STK32B: variants seen among roughly 807,000 people sequenced by gnomAD.
The protein encoded by STK32B is serine/threonine kinase 32B.
A neutral mutation model predicts 52.6 loss-of-function variants in STK32B; 43 were observed. The ratio of observed to expected loss-of-function variants is 0.82; its 90% CI spans 0.64 to 1.05. The LOEUF (loss-of-function observed/expected upper bound fraction) is 1.05. STK32B is among the 50% of genes least tolerant of loss of function. The pLI, the probability that STK32B is intolerant of heterozygous loss-of-function variation, is 0.00. For synonymous variants in STK32B, 238 were observed against 204.3 expected (o/e 1.17, Z -1.41); for missense variants, 621 against 534.6 (o/e 1.16, Z -1.59).
chr4:5,446,058 C>G (rs1027875633), intron 6 of STK32B, among the ~76,000 whole-genome samples: 1 of 152,228 alleles, frequency 6.6e-6, no homozygotes, highest in Non-Finnish European at 1.5e-5. Flanking sequence ...CAAACATACT[C>G]CACCAATCCA....
chr4:5,498,802 G>A, intron 11 of STK32B, 143 bp from the exon 12 acceptor site: 1 of 1,253,020 alleles, frequency 8.0e-7, no homozygotes, highest in Non-Finnish European at 1.1e-6. Context: ...CAGCACCGTG[G>A]ATGCCTTAAT....
chr4:5,146,676 T>C (rs1716942070), intron 2 of STK32B, among the ~76,000 whole-genome samples: 1 of 152,244 alleles, frequency 6.6e-6, no homozygotes, highest in African/African-American at 2.4e-5. Context: ...CCAGTCAAGC[T>C]GACATTTAAT....
In STK32B at chr4:5,244,756, C is replaced by T. The variant is rs574312858; in HGVS notation, c.260+76306C>T. Among the ~76,000 whole-genome samples, 462 of 152,274 alleles carry T rather than the reference C, an allele frequency of 3.0e-3. 6 individuals carry two copies. Among genetic ancestry groups the T allele is most frequent in the Admixed American group, 0.016 (248 of 15,286 alleles). ...TCTACACACTGCTTTGAATGTGTCC[C>T]AGAGATTCTGGTATGTTGTGTCTTT... On this transcript the variant is annotated intron_variant, in intron 3 of 11. Coordinates refer to ENST00000282908, the MANE Select transcript of STK32B (RefSeq NM_018401.3).
intron 3 of STK32B, among the ~76,000 whole-genome samples, chr4:5,262,708 C>A (rs562003056): frequency 6.6e-6 from 1 of 151,634 alleles, no homozygotes; most frequent in African/African-American, 2.4e-5. Flanking sequence ...TTTTTTAAAG[C>A]ATATTAAAAC....
At position 5,386,446 on chromosome 4, in the gene STK32B, A is replaced by G. The variant is rs981324918; in HGVS notation, c.435-11761A>G. Reference sequence around the variant, plus strand: ...AGGTAATTCTTGATGGTCCAAGAGCACTGGCCATGGAGAAAGATTGATCCA... The same window carrying G: ...AGGTAATTCTTGATGGTCCAAGAGCGCTGGCCATGGAGAAAGATTGATCCA... On this transcript the variant is annotated intron_variant, in intron 4 of 11. Transcript: ENST00000282908. This position sits in a 1 kb window ranked among gnomAD's most constrained non-coding sequence, Gnocchi z 4.5. 3.9e-5 allele frequency among the ~76,000 whole-genome samples: 6 copies of G among 152,172 alleles called. No individual in the cohort carries two copies. The highest frequency in any genetic ancestry group is 8.8e-5 in the Non-Finnish European group (6 of 68,040).
chr4:5,452,005 C>T (rs6817355), intron 7 of STK32B, among the ~76,000 whole-genome samples: 1 of 152,170 alleles, frequency 6.6e-6, no homozygotes, highest in East Asian at 1.9e-4. Context: ...CACCCTTCAA[C>T]CACTAGAGAC....
intron 3 of STK32B, among the ~76,000 whole-genome samples, chr4:5,189,877 G>A (rs1007198269): frequency 2.0e-5 from 3 of 152,082 alleles, no homozygotes; most frequent in Admixed American, 6.6e-5. Flanking sequence ...GTGGTATTCC[G>A]TTGTTTCAAT....
chr4:5,270,632 C>T (rs189582544), intron 3 of STK32B, among the ~76,000 whole-genome samples: 1 of 152,216 alleles, frequency 6.6e-6, no homozygotes, highest in East Asian at 1.9e-4. Context: ...GAATGCATTC[C>T]CCCTGAGATC....
the STK32B span, among the ~76,000 whole-genome samples, chr4:5,020,308 A>T: frequency 6.6e-6 from 1 of 152,152 alleles, no homozygotes; most frequent in South Asian, 2.1e-4. Flanking sequence ...AAGTTTCTTC[A>T]GTGTTTCCTC....
intron 1 of STK32B, among the ~76,000 whole-genome samples, chr4:5,086,917 G>C (rs1712762276): frequency 6.6e-6 from 1 of 152,200 alleles, no homozygotes; most frequent in Non-Finnish European, 1.5e-5. Context: ...TAGTAGACTT[G>C]TCCTGCAACA....
intron 4 of STK32B, among the ~76,000 whole-genome samples, chr4:5,375,695 T>C (rs1411080108): frequency 6.6e-6 from 1 of 152,218 alleles, no homozygotes; most frequent in Non-Finnish European, 1.5e-5. Flanking sequence ...CTGAGGTCCT[T>C]TTCTCCCTTT....
At chr4:5,219,179 A>C (rs1723367431) in intron 3 of STK32B, among the ~76,000 whole-genome samples, 1 of 152,174 alleles carries the variant, frequency 6.6e-6, no homozygotes, top group Non-Finnish European at 1.5e-5. Context: ...GGCTCTCAGC[A>C]GTCTGATTGA....
chr4:5,327,788 C>G (rs935115162), intron 3 of STK32B, among the ~76,000 whole-genome samples: 4 of 152,168 alleles, frequency 2.6e-5, no homozygotes, highest in Non-Finnish European at 5.9e-5. Flanking sequence ...GTGAGAGAGC[C>G]TTTCCTTTGA....
Position 5,139,961 on chromosome 4 carries a change from G to T in STK32B, c.108+1G>T. The T allele has an allele frequency of 1.9e-6, 3 of 1,614,168 alleles. No individual in the cohort carries two copies. The highest frequency in any genetic ancestry group is 2.5e-6 in the Non-Finnish European group (3 of 1,180,024). On this transcript the variant is annotated splice_donor_variant, in intron 2 of 11. Transcript: ENST00000282908. LOFTEE classifies it high-confidence loss of function. ...CATTGGTAAAGGGAGTTTTGGAAAGGTAAGAATATAAATGTCTGGACCACT... is the reference window on the plus strand; with the variant it reads ...CATTGGTAAAGGGAGTTTTGGAAAGTTAAGAATATAAATGTCTGGACCACT...
intron 9 of STK32B, among the ~76,000 whole-genome samples, chr4:5,466,127 G>A (rs377145216): frequency 8.5e-5 from 13 of 152,290 alleles, no homozygotes; most frequent in Middle Eastern, 3.4e-3. Flanking sequence ...GTGGCTACCA[G>A]GAATCTGGGT....
At chr4:5,485,374 T>C (rs1719068478) in intron 11 of STK32B, among the ~76,000 whole-genome samples, 1 of 152,200 alleles carries the variant, frequency 6.6e-6, no homozygotes, top group Admixed American at 6.5e-5. Flanking sequence ...TTCCAGTTGA[T>C]CGAATCGGCT....
chr4:5,129,330 G>A (rs763659700), intron 1 of STK32B, among the ~76,000 whole-genome samples: 23 of 152,128 alleles, frequency 1.5e-4, no homozygotes, highest in African/African-American at 2.4e-5. Flanking sequence ...GTCTGTTAAC[G>A]TCCAAAGCTG....
chr4:5,388,590 G>C (rs566771385), intron 4 of STK32B, among the ~76,000 whole-genome samples: 18 of 152,316 alleles, frequency 1.2e-4, no homozygotes, highest in African/African-American at 4.3e-4. Flanking sequence ...CATGGCTCCA[G>C]CCTTGGGGAG....
chr4:5,204,874 A>T (rs1307817065), intron 3 of STK32B, among the ~76,000 whole-genome samples: 1 of 152,000 alleles, frequency 6.6e-6, no homozygotes, highest in African/African-American at 2.4e-5. Flanking sequence ...TTGCCTCTTG[A>T]TGGCTAATTT....
Sources: gnomAD v4.1 joint callset for allele counts (sites outside exome capture counted in the v4.1 genomes callset) on GRCh38, gnomAD v4.1.1 for gene constraint, Gnocchi (gnomAD v3.1) non-coding constraint, MANE v1.5 for transcripts, NCBI Gene and HGNC (gene_info 2026-07-23, HGNC 2026-07-21) for gene names.